SYNPR: variants seen among roughly 807,000 people sequenced by gnomAD.
SYNPR encodes synaptoporin.
Under a neutral mutation model 32.9 loss-of-function variants are expected in SYNPR, and 23 were observed. The ratio of observed to expected loss-of-function variants is 0.70; its 90% CI spans 0.50 to 0.99. SYNPR has a LOEUF of 0.99. SYNPR is among the 50% of genes least tolerant of loss of function. The pLI, the probability that SYNPR is intolerant of heterozygous loss-of-function variation, is 0.00. For synonymous variants in SYNPR, 146 were observed against 135.9 expected (o/e 1.07, Z -0.52); for missense variants, 318 against 349.3 (o/e 0.91, Z 0.71).
At chr3:63,446,912 A>T (rs573414860) in intron 2 of SYNPR, among the ~76,000 whole-genome samples, 1 of 152,330 alleles carries the variant, frequency 6.6e-6, no homozygotes, top group African/African-American at 2.4e-5. Flanking sequence ...AGTTAGTTAA[A>T]AAAAGTTCAG....
intron 3 of SYNPR, among the ~76,000 whole-genome samples, chr3:63,271,447 A>G (rs1289658536): frequency 1.3e-5 from 2 of 152,188 alleles, no homozygotes; most frequent in African/African-American, 2.4e-5. Flanking sequence ...CTTTTACCTC[A>G]TTCAGAGCAG....
the SYNPR span, among the ~76,000 whole-genome samples, chr3:63,219,988 C>G: frequency 9.9e-5 from 15 of 152,208 alleles, no homozygotes; most frequent in African/African-American, 3.6e-4. Flanking sequence ...AAAAAGCCAC[C>G]TTTCTGCTTT....
chr3:63,280,535 GTTT>G (rs1182639286), intron 2 of SYNPR, among the ~76,000 whole-genome samples: 1 of 151,144 alleles, frequency 6.6e-6, no homozygotes, highest in African/African-American at 2.4e-5. Context: ...AAAAATGTTT[GTTT>G]TTTACCTCAA....
At chr3:63,498,708 G>C (rs527760400) in intron 3 of SYNPR, among the ~76,000 whole-genome samples, 3 of 152,204 alleles carry the variant, frequency 2.0e-5, no homozygotes, top group African/African-American at 7.2e-5. Flanking sequence ...CAGTGCGTAA[G>C]TGCAGAGTGT....
At position 63,595,833 on chromosome 3, in the gene SYNPR, T is replaced by TTA. The variant is rs529010294; in HGVS notation, c.409-13283_409-13282dup. Among the ~76,000 whole-genome samples the TTA allele has an allele frequency of 1.3e-3, 74 of 56,306 alleles. 4 individuals carry two copies. Among genetic ancestry groups the TTA allele is most frequent in the African/African-American group, 3.2e-3 (35 of 11,064 alleles). The allele number at this position is 56,306 out of a possible 152,430, so 36.9% of individuals were successfully genotyped here. A position where few individuals can be genotyped will look rare whatever the true frequency, so the allele number is the denominator to read the frequency against. Reference sequence around the variant, plus strand: ...TATATATAGTTTTATATATATATAGTTATATATATAGTTTTATATATATAT... The same window carrying TTA: ...TATATATAGTTTTATATATATATAGTTATATATATATAGTTTTATATATATAT... On this transcript the variant is annotated intron_variant, in intron 4 of 5. Coordinates refer to ENST00000478300, the MANE Select transcript of SYNPR (RefSeq NM_001130003.2).
At chr3:63,357,963 A>G (rs1259524963) in intron 2 of SYNPR, among the ~76,000 whole-genome samples, 3 of 152,330 alleles carry the variant, frequency 2.0e-5, no homozygotes, top group East Asian at 1.9e-4. Context: ...TGTACTAAAG[A>G]AAAAGGAAAA....
At chr3:63,443,120 G>A (rs1460832299) in intron 2 of SYNPR, 43 of 1,128,400 alleles carry the variant, frequency 3.8e-5, no homozygotes, top group Non-Finnish European at 4.3e-5. Flanking sequence ...AGCCAAGTGT[G>A]GGAGCTCACC....
At chr3:63,271,474 G>C (rs1056413307) in intron 3 of SYNPR, among the ~76,000 whole-genome samples, 1 of 152,080 alleles carries the variant, frequency 6.6e-6, no homozygotes, top group Non-Finnish European at 1.5e-5. Flanking sequence ...AAACTATTTT[G>C]TCATATTAAA....
chr3:63,458,924 C>G (rs1700532709), intron 2 of SYNPR, among the ~76,000 whole-genome samples: 1 of 151,772 alleles, frequency 6.6e-6, no homozygotes, highest in Non-Finnish European at 1.5e-5. Flanking sequence ...TCATGTTACA[C>G]TCTCCTCTCC....
At chr3:63,546,302 C>T (rs1702401090) in intron 3 of SYNPR, among the ~76,000 whole-genome samples, 1 of 152,084 alleles carries the variant, frequency 6.6e-6, no homozygotes, top group Non-Finnish European at 1.5e-5. Context: ...TTGGCCTTTG[C>T]AAACCATCCC....
chr3:63,307,312 T>C (rs1477510031), intron 2 of SYNPR, among the ~76,000 whole-genome samples: 1 of 152,026 alleles, frequency 6.6e-6, no homozygotes, highest in African/African-American at 2.4e-5. Context: ...GGTTCCTATA[T>C]TATGTTCCCC....
chr3:63,514,383 A>G (rs1402877377), intron 3 of SYNPR, among the ~76,000 whole-genome samples: 1 of 152,210 alleles, frequency 6.6e-6, no homozygotes, highest in Non-Finnish European at 1.5e-5. Context: ...GTCATGGAAC[A>G]TCATGGAAAA....
intron 4 of SYNPR, among the ~76,000 whole-genome samples, chr3:63,568,126 G>T (rs950669599): frequency 5.3e-5 from 8 of 152,128 alleles, no homozygotes; most frequent in African/African-American, 1.9e-4. Flanking sequence ...GGAAAAGTGA[G>T]GTTAAATGCC....
chr3:63,298,112 C>A (rs761125604), intron 2 of SYNPR, among the ~76,000 whole-genome samples: 36 of 152,150 alleles, frequency 2.4e-4, no homozygotes, highest in Non-Finnish European at 4.3e-4. Context: ...AATCTTGTGG[C>A]CTATCATTAG....
intron 2 of SYNPR, among the ~76,000 whole-genome samples, chr3:63,386,151 C>A (rs369367054): frequency 1.3e-5 from 2 of 152,142 alleles, no homozygotes; most frequent in Non-Finnish European, 2.9e-5. Flanking sequence ...GGTCCATGGG[C>A]GTCAGCATCA....
intron 2 of SYNPR, among the ~76,000 whole-genome samples, chr3:63,311,655 C>G (rs1560187869): frequency 6.6e-6 from 1 of 151,930 alleles, no homozygotes; most frequent in Non-Finnish European, 1.5e-5. Context: ...CGGTTGGGGA[C>G]CACTGCTGCA....
intron 2 of SYNPR, among the ~76,000 whole-genome samples, chr3:63,419,073 C>CTA (rs2088575937): frequency 6.6e-6 from 1 of 152,200 alleles, no homozygotes; most frequent in African/African-American, 2.4e-5. Context: ...AGAACGGTAT[C>CTA]TTAATAGTGT....
intron 3 of SYNPR, among the ~76,000 whole-genome samples, chr3:63,493,929 C>G (rs1057012869): frequency 6.6e-6 from 1 of 151,612 alleles, no homozygotes; most frequent in Non-Finnish European, 1.5e-5. Flanking sequence ...CCAAGTAAGC[C>G]TTAGACTTGT....
chr3:63,510,614 C>G (rs138914306), intron 3 of SYNPR, among the ~76,000 whole-genome samples: 1 of 152,272 alleles, frequency 6.6e-6, no homozygotes, highest in Non-Finnish European at 1.5e-5. Context: ...TAGATTCTTA[C>G]TTTCCCGGAG....
Sources: allele counts gnomAD v4.1 joint callset (sites outside exome capture counted in the v4.1 genomes callset), GRCh38; gene constraint gnomAD v4.1.1; transcripts MANE v1.5; gene names NCBI Gene and HGNC (gene_info 2026-07-23, HGNC 2026-07-21).